Variants in F2 observed in about 807,000 individuals in gnomAD.
F2 encodes prothrombin.
Under a neutral mutation model 81.9 loss-of-function variants are expected in F2, and 34 were observed. The ratio of observed to expected loss-of-function variants is 0.42; its 90% CI spans 0.32 to 0.55. The LOEUF (loss-of-function observed/expected upper bound fraction) is 0.55, where lower values mean the gene tolerates loss of function less well. Ranked by LOEUF, F2 falls within the 20% of genes least tolerant of loss-of-function variation. The pLI is 0.18. For synonymous variants in F2, 296 were observed against 326.4 expected, an observed-to-expected ratio of 0.91 and a Z score of 1.01; for missense variants, 630 against 833.4, an observed-to-expected ratio of 0.76 and a Z score of 3.00.
At chr11:46,730,402 T>G (rs1174374107) in intron 12 of F2, among the ~76,000 whole-genome samples, 2 of 150,466 alleles carry the variant, frequency 1.3e-5, no homozygotes, top group Non-Finnish European at 3.0e-5. Flanking sequence ...AAGGAAGGAG[T>G]GAGCAGGCAT....
At chr11:46,731,869 T>C (rs1378086421) in intron 12 of F2, among the ~76,000 whole-genome samples, 3 of 152,010 alleles carry the variant, frequency 2.0e-5, no homozygotes, top group Non-Finnish European at 4.4e-5. Flanking sequence ...CTTCTGTTTT[T>C]CCCTTTGTAA....
In F2 at chr11:46,719,671, G is replaced by A. The variant is rs371479474; in HGVS notation, c.80-31G>A. 8.3e-6 allele frequency: 13 copies of A among 1,569,704 alleles called. No individual in the cohort carries two copies. Among genetic ancestry groups the A allele is most frequent in the Middle Eastern group, 2.2e-4 (1 of 4,508 alleles). On this transcript the variant is annotated intron_variant, in intron 1 of 13. Transcript: ENST00000311907. The surrounding 1 kb of genome is among the most constrained non-coding windows in gnomAD (Gnocchi z 4.7). ...GCCAAGACTGCCTGTTCCTGAGGCC[G>A]CTGTCCCATGACCCCCCCACCGCCT...
intron 4 of F2, among the ~76,000 whole-genome samples, chr11:46,721,609 A>G (rs1056422197): frequency 2.6e-5 from 4 of 152,216 alleles, no homozygotes; most frequent in African/African-American, 9.7e-5. Context: ...GACTGCTTCA[A>G]ATGTCACCAC....
intron 4 of F2, among the ~76,000 whole-genome samples, chr11:46,721,935 C>A (rs551418927): frequency 1.3e-5 from 2 of 151,550 alleles, no homozygotes; most frequent in South Asian, 2.1e-4. Flanking sequence ...CTCCGCCTAG[C>A]GGATTCAAGT....
chr11:46,720,886 CT>C lies in F2; in HGVS notation c.316+47del, dbSNP rs1484533144. 6 of 1,609,804 alleles carry C rather than the reference CT, an allele frequency of 3.7e-6. No individual in the cohort carries two copies. In the South Asian group the frequency reaches 6.6e-5, roughly 18 times the overall value. On this transcript the variant is annotated intron_variant, in intron 4 of 13. Transcript: ENST00000311907. ...TGGGGAGCAGGACATGGAGGGGAGC[CT>C]GGGAGAAGAGCTCAGGGGTGGGTTT...
rs138091378 is a variant in F2, at chr11:46,727,692, C to T, written c.1131-304C>T. ...ACTAAGGAGGCTGAGGCGGGAGGATCGCCTGAGCCCAGGAGGCTGAGGCTT... is the reference window on the plus strand; with the variant it reads ...ACTAAGGAGGCTGAGGCGGGAGGATTGCCTGAGCCCAGGAGGCTGAGGCTT... On this transcript the variant is annotated intron_variant, in intron 9 of 13. Coordinates refer to ENST00000311907, the MANE Select transcript of F2 (RefSeq NM_000506.5). Among the ~76,000 whole-genome samples the T allele has an allele frequency of 4.6e-5, 7 of 152,210 alleles. No homozygotes were observed. The East Asian group carries it at 7.8e-4, about 17-fold the overall frequency.
rs773061991 is a variant in F2 at position 46,726,662 on chromosome 11, C to T, written c.1003+36C>T. 9 of 1,613,542 alleles carry T rather than the reference C, an allele frequency of 5.6e-6. No homozygotes were observed. The highest frequency in any genetic ancestry group is 1.3e-5 in the African/African-American group (1 of 74,942). Reference sequence around the variant, plus strand: ...GGGCATCCGAGGGGATGCGGGGCTGCGGGGCTGGTGGCCAGGACTTGCCCC... The same window carrying T: ...GGGCATCCGAGGGGATGCGGGGCTGTGGGGCTGGTGGCCAGGACTTGCCCC... On this transcript the variant is annotated intron_variant, in intron 8 of 13. Coordinates refer to ENST00000311907, the MANE Select transcript of F2 (RefSeq NM_000506.5). The surrounding 1 kb of genome is among the most constrained non-coding windows in gnomAD (Gnocchi z 5.9).
chr11:46,731,371 G>C lies in F2; in HGVS notation c.1654+1810G>C, dbSNP rs928594881. On this transcript the variant is annotated intron_variant, in intron 12 of 13. Coordinates refer to ENST00000311907, the MANE Select transcript of F2 (RefSeq NM_000506.5). ...ATTTTTAGTATTTTTAGTAGTGATG[G>C]GGTTTCACCATGTTGGCCAGGCTGG... is the stretch of plus-strand genomic sequence containing the variant. Among the ~76,000 whole-genome samples, 3 of 150,694 alleles carry C rather than the reference G, an allele frequency of 2.0e-5. No homozygotes were observed. The East Asian group carries it at 5.8e-4, about 29-fold the overall frequency.
Position 46,719,536 on chromosome 11 carries a change from A to G in F2, c.80-166A>G. 1.0e-6 allele frequency: 1 copy of G among 970,012 alleles called. No individual in the cohort carries two copies. The allele number at this position is 970,012 out of a possible 1,614,324, so 60.1% of individuals were successfully genotyped here. A position where few individuals can be genotyped will look rare whatever the true frequency, so the allele number is the denominator to read the frequency against. On this transcript the variant is annotated intron_variant, in intron 1 of 13. Transcript: ENST00000311907. The surrounding 1 kb of genome is among the most constrained non-coding windows in gnomAD (Gnocchi z 4.7). ...GGCTGGGGGCAAGGGGCAGTGTAGG[A>G]GGGGCACAGGGGGCCACATTTAGCA... is the stretch of plus-strand genomic sequence containing the variant.
chr11:46,722,552 C>T (rs1272314347), intron 4 of F2, among the ~76,000 whole-genome samples: 1 of 152,186 alleles, frequency 6.6e-6, no homozygotes, highest in African/African-American at 2.4e-5. Flanking sequence ...CATGCCACTG[C>T]ACTTCAGTCT....
At position 46,726,025 on chromosome 11, in the gene F2, C is replaced by T; in HGVS notation, c.726C>T (p.Ala242=). The change falls in exon 7 of 14, where the codon GCC becomes GCT. Residue 242 remains alanine (A), a synonymous_variant. Coordinates refer to ENST00000311907, the MANE Select transcript of F2 (RefSeq NM_000506.5). This position sits in a 1 kb window ranked among gnomAD's most constrained non-coding sequence, Gnocchi z 5.9. ...LPCLAWASAQ[A]KALSKHQDFN... ...GCCTGGCCTGGGCCAGCGCACAGGC[C>T]AAGGCCCTGAGCAAGCACCAGGACT... The T allele has an allele frequency of 6.2e-7, 1 of 1,614,090 alleles. No individual in the cohort carries two copies. Among genetic ancestry groups the T allele is most frequent in the Non-Finnish European group, 8.5e-7 (1 of 1,180,008 alleles).
At chr11:46,722,045 A>G (rs1485737580) in intron 4 of F2, among the ~76,000 whole-genome samples, 2 of 151,930 alleles carry the variant, frequency 1.3e-5, no homozygotes, top group Non-Finnish European at 2.9e-5. Flanking sequence ...GGGTTTCACC[A>G]TGTTGGCCAG....
At chr11:46,727,969 C>A (rs1280403799) in intron 9 of F2, 27 bp from the exon 10 acceptor site, 4 of 1,596,686 alleles carry the variant, frequency 2.5e-6, no homozygotes, top group Non-Finnish European at 8.5e-7. Flanking sequence ...ATCCTCAGCT[C>A]CTAATGCTTC....
intron 4 of F2, among the ~76,000 whole-genome samples, chr11:46,721,960 A>G (rs1565701705): frequency 6.7e-6 from 1 of 150,096 alleles, no homozygotes; most frequent in Non-Finnish European, 1.5e-5. Flanking sequence ...CTCCTGCCTT[A>G]GCCTCCTGAG....
chr11:46,732,646 G>A lies in F2; in HGVS notation c.1654+3085G>A, dbSNP rs1031638525. Among the ~76,000 whole-genome samples the A allele has an allele frequency of 4.6e-5, 7 of 152,180 alleles. No individual in the cohort carries two copies. The South Asian group carries it at 1.2e-3, about 27-fold the overall frequency. On this transcript the variant is annotated intron_variant, in intron 12 of 13. Transcript: ENST00000311907. ...ACTCCTGACCTCAGGTGATCCGCCCGCCTCAGCCTTCCAAGGTTCTGGGAT... is the reference window on the plus strand; with the variant it reads ...ACTCCTGACCTCAGGTGATCCGCCCACCTCAGCCTTCCAAGGTTCTGGGAT...
At chr11:46,725,016 C>T (rs185068258) in intron 6 of F2, among the ~76,000 whole-genome samples, 13 of 150,862 alleles carry the variant, frequency 8.6e-5, no homozygotes, top group Admixed American at 3.3e-4. Flanking sequence ...GTGATCCTCC[C>T]GCCTCGGCCT....
intron 2 of F2, 103 bp from the exon 3 acceptor site, chr11:46,720,420 G>T: frequency 7.3e-7 from 1 of 1,362,688 alleles, no homozygotes; most frequent in South Asian, 1.2e-5. Flanking sequence ...CCTGCCCCCT[G>T]CGTGACCAGG....
chr11:46,736,568 G>A (rs1396017568), intron 12 of F2, among the ~76,000 whole-genome samples: 1 of 152,194 alleles, frequency 6.6e-6, no homozygotes, highest in Admixed American at 6.5e-5. Flanking sequence ...AAAGTGTTGG[G>A]ATTACCAGCA....
intron 4 of F2, among the ~76,000 whole-genome samples, chr11:46,722,557 C>G (rs1013025719): frequency 6.6e-6 from 1 of 152,176 alleles, no homozygotes; most frequent in African/African-American, 2.4e-5. Context: ...CACTGCACTT[C>G]AGTCTCGGCA....
Sources: allele counts gnomAD v4.1 joint callset (sites outside exome capture counted in the v4.1 genomes callset), GRCh38; gene constraint gnomAD v4.1.1; non-coding constraint Gnocchi (gnomAD v3.1); transcripts MANE v1.5; gene names NCBI Gene and HGNC (gene_info 2026-07-23, HGNC 2026-07-21).